Variants in GPR135 observed in about 807,000 individuals in gnomAD.
GPR135 encodes G-protein coupled receptor 135.
Under a neutral mutation model 15.0 loss-of-function variants are expected in GPR135, and 17 were observed. The ratio of observed to expected loss-of-function variants is 1.13; its 90% CI spans 0.78 to 1.70. The LOEUF (loss-of-function observed/expected upper bound fraction) is 1.70. Among genes scored for constraint, GPR135 ranks in the 40% most tolerant of loss-of-function variants. The pLI, the probability that GPR135 is intolerant of heterozygous loss-of-function variation, is 0.00. For synonymous variants in GPR135, 368 were observed against 349.4 expected (o/e 1.05, Z -0.59); for missense variants, 776 against 727.0 (o/e 1.07, Z -0.78).
rs1889093710 is a variant in GPR135, at chr14:59,465,055, C to A, written c.172G>T (p.Ala58Ser). 2.9e-6 allele frequency: 4 copies of A among 1,356,904 alleles called. No individual in the cohort carries two copies. Among genetic ancestry groups the A allele is most frequent in the South Asian group, 1.9e-5 (1 of 52,808 alleles). The allele number at this position is 1,356,904 out of a possible 1,614,324, so 84.1% of individuals were successfully genotyped here. A position where few individuals can be genotyped will look rare whatever the true frequency, so the allele number is the denominator to read the frequency against. The change falls in exon 1 of 1, where the codon GCA (alanine) becomes TCA (serine). Residue 58 changes from alanine (A) to serine (S), a missense_variant. Ala to Ser is a moderately conservative substitution (Grantham distance 99, BLOSUM62 1). Transcript: ENST00000395116. ...ATAALGNLSD[A>S]SGGGTAAAPG... ...GCGGCAGCTGTGCCGCCTCCGCTTG[C>A]GTCGCTCAGGTTCCCCAGCGCCGCG...
chr14:59,464,836 G>T lies in GPR135; in HGVS notation c.391C>A (p.His131Asn), dbSNP rs746679187. 4 of 1,597,548 alleles carry T rather than the reference G, an allele frequency of 2.5e-6. No homozygotes were observed. The highest frequency in any genetic ancestry group is 3.5e-5 in the Admixed American group (2 of 57,946). Residue 131 changes from histidine (H) to asparagine (N), a missense_variant, in exon 1 of 1, where the codon CAC becomes AAC. Coordinates refer to ENST00000395116, the MANE Select transcript of GPR135 (RefSeq NM_022571.6). ...NCAVMGVIVKHRQLRTVTNAF... is the reference protein window; with the variant it reads ...NCAVMGVIVKNRQLRTVTNAF... ...TTGGTGACGGTGCGGAGCTGCCGGT[G>T]CTTCACAATCACCCCCATCACCGCG...
downstream of GPR135, among the ~76,000 whole-genome samples, chr14:59,457,841 C>CT (rs946468560): frequency 2.0e-5 from 3 of 151,946 alleles, no homozygotes; most frequent in Non-Finnish European, 2.9e-5. Flanking sequence ...CTGTTGCCTG[C>CT]TTTTTTTTCC....
downstream of GPR135, chr14:59,458,762 A>G (rs1888752468): frequency 6.6e-6 from 1 of 152,258 alleles, no homozygotes; most frequent in African/African-American, 2.4e-5. Context: ...TCATGGCCCC[A>G]GTATTCCCAG....
At position 59,464,827 on chromosome 14, in the gene GPR135, G is replaced by C. The variant is rs959061016; in HGVS notation, c.400C>G (p.Leu134Val). The C allele has an allele frequency of 6.3e-7, 1 of 1,589,238 alleles. No homozygotes were observed. Among genetic ancestry groups the C allele is most frequent in the African/African-American group, 1.3e-5 (1 of 74,506 alleles). ...ATGAAGGCGTTGGTGACGGTGCGGA[G>C]CTGCCGGTGCTTCACAATCACCCCC... ...VMGVIVKHRQ[L>V]RTVTNAFILS... Residue 134 changes from leucine to valine, a missense_variant, in exon 1 of 1, where the codon CTC (leucine) becomes GTC (valine). By Grantham distance (32) the Leu-to-Val change is conservative. Coordinates refer to ENST00000395116, the MANE Select transcript of GPR135 (RefSeq NM_022571.6).
At chr14:59,459,137 G>C (rs1313194177), downstream of GPR135, 1 of 152,136 alleles carries the variant, frequency 6.6e-6, no homozygotes, top group Non-Finnish European at 1.5e-5. Context: ...GATTTAAAAT[G>C]GTTGTCTTGA....
intron 6 of GPR135, among the ~76,000 whole-genome samples, chr14:59,453,373 G>A (rs571296305): frequency 1.1e-4 from 16 of 152,238 alleles, no homozygotes; most frequent in African/African-American, 3.9e-4. Flanking sequence ...ACTCAATTTT[G>A]CTGTGAACCT....
intron 6 of GPR135, among the ~76,000 whole-genome samples, chr14:59,454,691 AG>A (rs1346736852): frequency 1.3e-5 from 2 of 152,196 alleles, no homozygotes; most frequent in Admixed American, 1.3e-4. Context: ...TGCTTTAAAT[AG>A]GAAGGTTTTA....
At position 59,463,374 on chromosome 14, in the gene GPR135, C is replaced by T. The variant is rs1888939750; in HGVS notation, c.*368G>A. On this transcript the variant is annotated 3_prime_UTR_variant, in exon 1 of 1. Coordinates refer to ENST00000395116, the MANE Select transcript of GPR135 (RefSeq NM_022571.6). ...TCAAGCAGCTCTGAAGGTCTCCATTCATTCCTGAAATTCTGTGTAGTTGAA... is the reference window on the plus strand; with the variant it reads ...TCAAGCAGCTCTGAAGGTCTCCATTTATTCCTGAAATTCTGTGTAGTTGAA... 5.0e-6 allele frequency: 1 copy of T among 198,944 alleles called. No homozygotes were observed. The highest frequency in any genetic ancestry group is 1.0e-5 in the Non-Finnish European group (1 of 97,190). 12.3% of individuals were successfully genotyped at this position (198,944 alleles called of 1,614,324 possible).
chr14:59,463,823 A>T lies in GPR135; in HGVS notation c.1404T>A (p.Leu468=). ...AMWARKNPVV[L]FCREGPPEPV... Reference sequence around the variant, plus strand: ...GCTCTGGTGGTCCCTCTCGGCAGAAAAGTACAACTGGATTTTTGCGGGCCC... The same window carrying T: ...GCTCTGGTGGTCCCTCTCGGCAGAATAGTACAACTGGATTTTTGCGGGCCC... The change falls in exon 1 of 1, where the codon CTT becomes CTA. Residue 468 remains leucine, a synonymous_variant. Coordinates refer to ENST00000395116, the MANE Select transcript of GPR135 (RefSeq NM_022571.6). 6.2e-7 allele frequency: 1 copy of T among 1,614,206 alleles called. No homozygotes were observed. The highest frequency in any genetic ancestry group is 8.5e-7 in the Non-Finnish European group (1 of 1,180,020).
intron 6 of GPR135, among the ~76,000 whole-genome samples, chr14:59,454,590 G>T (rs935759423): frequency 6.6e-6 from 1 of 152,078 alleles, no homozygotes; most frequent in African/African-American, 2.4e-5. Context: ...TTCCTTGTAC[G>T]CACAGGACTT....
chr14:59,458,666 TG>T (rs1188205263), downstream of GPR135, among the ~76,000 whole-genome samples: 3 of 150,372 alleles, frequency 2.0e-5, no homozygotes, highest in Non-Finnish European at 3.0e-5. Flanking sequence ...GGGCATTGGG[TG>T]GGGGGGTTCA....
chr14:59,465,341 C>G lies in GPR135; in HGVS notation c.-115G>C. On this transcript the variant is annotated 5_prime_UTR_variant, in exon 1 of 1. Transcript: ENST00000395116. ...GGCCGCCGCGGGGAGCTGGGCTCGG[C>G]CGGAGGGGTGGCGGTCGCTGGGGAC... 1 of 779,984 alleles carries G rather than the reference C, an allele frequency of 1.3e-6. No individual in the cohort carries two copies. Among genetic ancestry groups the G allele is most frequent in the Non-Finnish European group, 1.7e-6 (1 of 581,200 alleles). The allele number at this position is 779,984 out of a possible 1,614,324, so 48.3% of individuals were successfully genotyped here.
chr14:59,452,863 G>A (rs1478757551), intron 6 of GPR135, among the ~76,000 whole-genome samples: 1 of 152,112 alleles, frequency 6.6e-6, no homozygotes, highest in Non-Finnish European at 1.5e-5. Context: ...AGATAAATAA[G>A]CTATGGTACA....
intron 6 of GPR135, among the ~76,000 whole-genome samples, chr14:59,453,263 T>C (rs1888547444): frequency 1.3e-5 from 2 of 152,210 alleles, no homozygotes; most frequent in African/African-American, 4.8e-5. Flanking sequence ...TGTAGGTTTA[T>C]TGATTATAAC....
chr14:59,456,194 G>A (rs1251456949), downstream of GPR135, among the ~76,000 whole-genome samples: 1 of 152,058 alleles, frequency 6.6e-6, no homozygotes, highest in Admixed American at 6.6e-5. Flanking sequence ...TCCTTGACTT[G>A]TTGACACAAA....
In GPR135 at chr14:59,462,792, T is replaced by C. The variant is rs956435401; in HGVS notation, c.*950A>G. On this transcript the variant is annotated 3_prime_UTR_variant, in exon 1 of 1. Coordinates refer to ENST00000395116, the MANE Select transcript of GPR135 (RefSeq NM_022571.6). ...TTTTAAAAAATAATAAAAATTTAAA[T>C]AAAGTGGCATCACTCACCTTATTCA... is the stretch of plus-strand genomic sequence containing the variant. The C allele has an allele frequency of 3.9e-5, 6 of 152,162 alleles. No individual in the cohort carries two copies. Among genetic ancestry groups the C allele is most frequent in the Non-Finnish European group, 7.4e-5 (5 of 67,998 alleles). 9.4% of individuals were successfully genotyped at this position (152,162 alleles called of 1,614,324 possible).
In GPR135 at chr14:59,461,260, C is replaced by T. The variant is rs563738490; in HGVS notation, c.*2482G>A. The T allele has an allele frequency of 2.0e-5, 3 of 152,162 alleles. No individual in the cohort carries two copies. Among genetic ancestry groups the T allele is most frequent in the Non-Finnish European group, 4.4e-5 (3 of 68,036 alleles). The allele number at this position is 152,162 out of a possible 1,614,324, so 9.4% of individuals were successfully genotyped here. A position where few individuals can be genotyped will look rare whatever the true frequency, so the allele number is the denominator to read the frequency against. On this transcript the variant is annotated 3_prime_UTR_variant, in exon 1 of 1. Coordinates refer to ENST00000395116, the MANE Select transcript of GPR135 (RefSeq NM_022571.6). ...TACCATAATTGATCATGATTGATTT[C>T]CTTACCTGTAGACTTCTGTGGGGAT... is the stretch of plus-strand genomic sequence containing the variant.
In GPR135 at chr14:59,464,541, A is replaced by G. The variant is rs1255531528; in HGVS notation, c.686T>C (p.Leu229Pro). 6.4e-7 allele frequency: 1 copy of G among 1,554,924 alleles called. No homozygotes were observed. The highest frequency in any genetic ancestry group is 2.4e-5 in the East Asian group (1 of 41,616). ...EKIGRRRALQ[L>P]LAGAWLTALG... Reference sequence around the variant, plus strand: ...GGCCGTCAGCCAGGCGCCCGCCAGCAGCTGCAGCGCGCGGCGGCGGCCGAT... The same window carrying G: ...GGCCGTCAGCCAGGCGCCCGCCAGCGGCTGCAGCGCGCGGCGGCGGCCGAT... The change falls in exon 1 of 1, where the codon CTG becomes CCG. Residue 229 changes from leucine (L) to proline (P), a missense_variant. Transcript: ENST00000395116.
rs766303392 is a variant in GPR135 at position 59,464,262 on chromosome 14, C to G, written c.965G>C (p.Arg322Pro). ...RPVNTYARVL[R>P]FFSEVRTATT... The stretch of plus-strand genomic sequence containing the variant: ...GGCCGTGCGCACCTCGCTGAAGAAG[C>G]GCAGCACGCGCGCGTAGGTGTTCAC... The change falls in exon 1 of 1, where the codon CGC becomes CCC. Residue 322 changes from arginine to proline, a missense_variant. By Grantham distance (103) the Arg-to-Pro change is moderately radical (BLOSUM62 -2). Transcript: ENST00000395116. 1.1e-5 allele frequency: 18 copies of G among 1,612,024 alleles called. No homozygotes were observed. The Middle Eastern group carries it at 4.9e-4, about 44-fold the overall frequency.
Sources: gnomAD v4.1 joint callset for allele counts (sites outside exome capture counted in the v4.1 genomes callset) on GRCh38, gnomAD v4.1.1 for gene constraint, MANE v1.5 for transcripts, NCBI Gene and HGNC (gene_info 2026-07-23, HGNC 2026-07-21) for gene names.